RFX8: variants seen among roughly 807,000 people sequenced by gnomAD.
RFX8 encodes the protein DNA-binding protein RFX8.
In RFX8, 46 loss-of-function variants were observed where a neutral mutation model predicts 54.6. The observed-to-expected ratio is 0.84, with a 90% CI of 0.67 to 1.08. The LOEUF (loss-of-function observed/expected upper bound fraction) is 1.08, where lower values mean the gene tolerates loss of function less well. RFX8 is among the 50% of genes least tolerant of loss of function. RFX8 has a pLI of 0.00. For missense variants in RFX8, 536 were observed against 562.3 expected, an observed-to-expected ratio of 0.95 and a Z score of 0.47; for synonymous variants, 192 against 209.5, an observed-to-expected ratio of 0.92 and a Z score of 0.72.
chr2:101,463,536 C>T (rs1435399611), intron 2 of RFX8, among the ~76,000 whole-genome samples: 1 of 152,210 alleles, frequency 6.6e-6, no homozygotes, highest in East Asian at 1.9e-4. Context: ...CCAGACTCTG[C>T]CTTGCGAGGC....
chr2:101,463,293 G>A (rs1689381612), intron 2 of RFX8, among the ~76,000 whole-genome samples: 1 of 152,226 alleles, frequency 6.6e-6, no homozygotes, highest in African/African-American at 2.4e-5. Context: ...GACACATAAG[G>A]GGCTTTCCAG....
chr2:101,421,641 C>T (rs1448735003), intron 4 of RFX8, 83 bp downstream of exon 4: 3 of 1,498,756 alleles, frequency 2.0e-6, no homozygotes, highest in Non-Finnish European at 2.7e-6. Flanking sequence ...GGGGTCTCTT[C>T]AAATAAAAAT....
chr2:101,455,269 T>G (rs895212110), intron 2 of RFX8, among the ~76,000 whole-genome samples: 2 of 152,184 alleles, frequency 1.3e-5, no homozygotes, highest in African/African-American at 2.4e-5. Context: ...CACCTCAGCC[T>G]CCTAAAGTGC....
rs375213952 is a variant in RFX8 at position 101,402,501 on chromosome 2, C to T, written c.1180G>A (p.Val394Met). 34 of 1,551,668 alleles carry T rather than the reference C, an allele frequency of 2.2e-5. No individual in the cohort carries two copies. The highest frequency in any genetic ancestry group is 1.7e-4 in the Middle Eastern group (1 of 6,014). ...CTGAGGACCATGTTGCTCACACCCACGGGATATCGGCCCTGGCCCATGTGT... is the reference window on the plus strand; with the variant it reads ...CTGAGGACCATGTTGCTCACACCCATGGGATATCGGCCCTGGCCCATGTGT... ...PTHMGQGRYP[V>M]GVSNMVLRIL... Residue 394 changes from valine (V) to methionine (M), a missense_variant, in exon 11 of 12, where the codon GTG (valine) becomes ATG (methionine). Transcript: ENST00000428343.
At chr2:101,469,081 T>TAA (rs1558896774) in intron 1 of RFX8, among the ~76,000 whole-genome samples, 6 of 10,678 alleles carry the variant, frequency 5.6e-4, no homozygotes, top group East Asian at 3.8e-3. Context: ...TATATATAAG[T>TAA]GTATATATAT....
chr2:101,405,938 C>G lies in RFX8; in HGVS notation c.928+5G>C. The G allele has an allele frequency of 6.7e-7, 1 of 1,498,630 alleles. No individual in the cohort carries two copies. Among genetic ancestry groups the G allele is most frequent in the Non-Finnish European group, 9.0e-7 (1 of 1,112,524 alleles). The allele number at this position is 1,498,630 out of a possible 1,614,324, so 92.8% of individuals were successfully genotyped here. On this transcript the variant is annotated splice_donor_5th_base_variant and intron_variant, in intron 10 of 11. Coordinates refer to ENST00000428343, the MANE Select transcript of RFX8 (RefSeq NM_001145664.2). ...TACAAAATACTTTCTTATTCTCTGA[C>G]TTACCAAAACTATCTCTGTGGCAGA...
chr2:101,409,707 A>T (rs1298780452), intron 9 of RFX8, among the ~76,000 whole-genome samples: 1 of 152,010 alleles, frequency 6.6e-6, no homozygotes, highest in African/African-American at 2.4e-5. Context: ...ACTATGTTGG[A>T]CAGGCTGGTC....
In RFX8 at chr2:101,397,451, A is replaced by C; in HGVS notation, c.*97T>G. ...AGACAATGCTACATCTATTATATACATAACATCATCTTTCGTCAATAGAAA... is the reference window on the plus strand; with the variant it reads ...AGACAATGCTACATCTATTATATACCTAACATCATCTTTCGTCAATAGAAA... On this transcript the variant is annotated 3_prime_UTR_variant, in exon 12 of 12. Transcript: ENST00000428343. 2 of 778,098 alleles carry C rather than the reference A, an allele frequency of 2.6e-6. No homozygotes were observed. Among genetic ancestry groups the C allele is most frequent in the East Asian group, 5.5e-5 (2 of 36,332 alleles). The allele number at this position is 778,098 out of a possible 1,614,324, so 48.2% of individuals were successfully genotyped here. A position where few individuals can be genotyped will look rare whatever the true frequency, so the allele number is the denominator to read the frequency against.
At chr2:101,419,469 A>G (rs1414709821) in intron 4 of RFX8, among the ~76,000 whole-genome samples, 1 of 152,246 alleles carries the variant, frequency 6.6e-6, no homozygotes, top group Non-Finnish European at 1.5e-5. Flanking sequence ...AGCCTTCTCT[A>G]AAGACTTATG....
chr2:101,442,868 G>C (rs747657688), intron 2 of RFX8, among the ~76,000 whole-genome samples: 1 of 152,014 alleles, frequency 6.6e-6, no homozygotes, highest in African/African-American at 2.4e-5. Context: ...GGCGGCCTCT[G>C]GGGAGCGGAA....
intron 11 of RFX8, among the ~76,000 whole-genome samples, chr2:101,399,281 TTGA>T (rs1163028140): frequency 2.0e-5 from 3 of 152,188 alleles, no homozygotes; most frequent in Admixed American, 1.3e-4. Flanking sequence ...TGCTTTTTTG[TTGA>T]TGATGAGTGC....
chr2:101,442,481 A>G (rs1286064611), intron 2 of RFX8, among the ~76,000 whole-genome samples: 6 of 151,102 alleles, frequency 4.0e-5, no homozygotes, highest in Non-Finnish European at 8.8e-5. Context: ...TTTCCCTTTC[A>G]TTCCTGAAAA....
intron 8 of RFX8, 108 bp from the exon 9 acceptor site, chr2:101,410,821 G>A (rs963127052): frequency 7.8e-6 from 5 of 641,090 alleles, no homozygotes; most frequent in Non-Finnish European, 1.4e-5. Context: ...ACAATAGCTC[G>A]AAGGGACTCC....
intron 9 of RFX8, among the ~76,000 whole-genome samples, chr2:101,408,366 T>C (rs1331405232): frequency 6.6e-6 from 1 of 152,036 alleles, no homozygotes; most frequent in Non-Finnish European, 1.5e-5. Flanking sequence ...GCACCTGTAG[T>C]CTCAGCTACT....
chr2:101,444,121 G>A (rs1688247406), intron 2 of RFX8, among the ~76,000 whole-genome samples: 1 of 152,192 alleles, frequency 6.6e-6, no homozygotes, highest in Non-Finnish European at 1.5e-5. Flanking sequence ...CATTGGCAGA[G>A]CCTGATGCCT....
At chr2:101,437,832 T>C (rs1687864028) in intron 2 of RFX8, among the ~76,000 whole-genome samples, 1 of 149,424 alleles carries the variant, frequency 6.7e-6, no homozygotes, top group South Asian at 2.2e-4. Context: ...GTATATTTAT[T>C]TCTACACAAT....
chr2:101,411,063 A>C (rs960134179), intron 8 of RFX8, among the ~76,000 whole-genome samples: 2 of 152,264 alleles, frequency 1.3e-5, no homozygotes, highest in Non-Finnish European at 2.9e-5. Flanking sequence ...TGCCATCTTC[A>C]TCAAAGGGCT....
chr2:101,414,299 G>A (rs143685433), intron 7 of RFX8, among the ~76,000 whole-genome samples: 234 of 152,080 alleles, frequency 1.5e-3, no homozygotes, highest in African/African-American at 5.3e-3. Flanking sequence ...ATGGAGTCTC[G>A]TTTTGTTGTT....
intron 10 of RFX8, among the ~76,000 whole-genome samples, chr2:101,403,877 T>C (rs757930901): frequency 1.3e-5 from 2 of 152,256 alleles, no homozygotes; most frequent in Non-Finnish European, 2.9e-5. Flanking sequence ...ATCAGTAAGA[T>C]GTTGCCACTG....
Sources: allele counts gnomAD v4.1 joint callset (sites outside exome capture counted in the v4.1 genomes callset), GRCh38; gene constraint gnomAD v4.1.1; transcripts MANE v1.5; gene names NCBI Gene and HGNC (gene_info 2026-07-23, HGNC 2026-07-21).